The following RBL2 variants were observed in gnomAD, a reference collection of about 807,000 sequenced individuals.
RBL2 encodes retinoblastoma-like protein 2.
In RBL2, 56 loss-of-function variants were observed where a neutral mutation model predicts 126.0. That is an observed-to-expected ratio of 0.44 (90% CI 0.36 to 0.56). The LOEUF is 0.56. Among genes scored for constraint, RBL2 ranks in the 20% least tolerant of loss-of-function variants. The pLI is 0.00. For missense variants in RBL2, 1,229 were observed against 1,398.2 expected (o/e 0.88, Z 1.93); for synonymous variants, 454 against 478.5 (o/e 0.95, Z 0.67).
chr16:53,470,783 G>T lies in RBL2; in HGVS notation c.2564G>T (p.Cys855Phe). Residue 855 changes from cysteine to phenylalanine, a missense_variant, in exon 17 of 22, where the codon TGT (cysteine) becomes TTT (phenylalanine). Physicochemically the swap from Cys to Phe is radical, Grantham distance 205. Around this residue, in one of 2 missense-constraint regions of RBL2, gnomAD observed 1,070 missense variants for 1,274.3 expected, o/e 0.84. Transcript: ENST00000262133. ...HLAAVRLRDLCAKLDISDELR... is the reference protein window; with the variant it reads ...HLAAVRLRDLFAKLDISDELR... ...GCAGCTGTCCGCCTTCGGGATCTCT[G>T]TGCCAAACTAGATATTTCAGATGAA... 1.2e-6 allele frequency: 2 copies of T among 1,614,148 alleles called. No homozygotes were observed. The highest frequency in any genetic ancestry group is 2.2e-5 in the East Asian group (1 of 44,886).
Position 53,459,635 on chromosome 16 carries a change from C to A in RBL2, c.1346+18C>A. ...ATTCTCAGGTTAGTTTGAGCCCTGT[C>A]TGCTTTCTAAGATTTGGTTATTGAC... On this transcript the variant is annotated intron_variant, in intron 9 of 21. Coordinates refer to ENST00000262133, the MANE Select transcript of RBL2 (RefSeq NM_005611.4). 1 of 1,517,500 alleles carries A rather than the reference C, an allele frequency of 6.6e-7. No individual in the cohort carries two copies. The highest frequency in any genetic ancestry group is 2.4e-5 in the Admixed American group (1 of 41,950). 94.0% of individuals were successfully genotyped at this position (1,517,500 alleles called of 1,614,324 possible). A position where few individuals can be genotyped will look rare whatever the true frequency, so the allele number is the denominator to read the frequency against.
intron 5 of RBL2, among the ~76,000 whole-genome samples, chr16:53,452,918 C>T (rs1598099283): frequency 6.6e-6 from 1 of 152,170 alleles, no homozygotes; most frequent in East Asian, 1.9e-4. Context: ...GATGTACCCA[C>T]CTTGGCCTCC....
chr16:53,446,313 G>T (rs2058061592), intron 3 of RBL2, among the ~76,000 whole-genome samples: 1 of 140,596 alleles, frequency 7.1e-6, no homozygotes, highest in South Asian at 2.3e-4. Flanking sequence ...TTTGACAGAT[G>T]AAATGACTAA....
rs1463498431 is a variant in RBL2 at position 53,470,680 on chromosome 16, CT to C, written c.2526+19del. ...TTTAGAAAGGTAATTTTTCACATACCTTATCAGAGCATGAGCTTGGGAAATA... is the reference window on the plus strand; with the variant it reads ...TTTAGAAAGGTAATTTTTCACATACCTATCAGAGCATGAGCTTGGGAAATA... On this transcript the variant is annotated intron_variant, in intron 16 of 21. Transcript: ENST00000262133. The C allele has an allele frequency of 6.2e-7, 1 of 1,613,168 alleles. No homozygotes were observed. The highest frequency in any genetic ancestry group is 1.7e-5 in the Admixed American group (1 of 59,950).
intron 21 of RBL2, among the ~76,000 whole-genome samples, chr16:53,487,184 A>T (rs1869509920): frequency 6.6e-6 from 1 of 152,244 alleles, no homozygotes; most frequent in Non-Finnish European, 1.5e-5. Flanking sequence ...AAACAGATTT[A>T]TGTAAAAAAC....
rs142489174 is a variant in RBL2 at position 53,440,064 on chromosome 16, G to A, written c.371+918G>A. Among the ~76,000 whole-genome samples the A allele has an allele frequency of 4.5e-3, 684 of 152,128 alleles. 2 individuals are homozygous for A. Among genetic ancestry groups the A allele is most frequent in the African/African-American group, 0.016 (663 of 41,498 alleles). ...TAATCCCAGCACTTTTGGAGGCCAA[G>A]GTGTGTGGATCACTTGAGGTCAAGA... On this transcript the variant is annotated intron_variant, in intron 2 of 21. Coordinates refer to ENST00000262133, the MANE Select transcript of RBL2 (RefSeq NM_005611.4).
rs8049033 is a variant in RBL2, at chr16:53,479,143, T to C, written c.2704-11T>C. The C allele has an allele frequency of 0.46, 731,101 of 1,604,898 alleles. 171,867 individuals are homozygous for C. Among genetic ancestry groups the C allele is most frequent in the African/African-American group, 0.58 (43,008 of 74,674 alleles). On this transcript the variant is annotated splice_polypyrimidine_tract_variant and intron_variant, in intron 17 of 21. Coordinates refer to ENST00000262133, the MANE Select transcript of RBL2 (RefSeq NM_005611.4). ...TGCCATGTCTCTCAGAGCACTCTTA[T>C]TGTTTGCCAGGTCACAAAAGAAGAT...
In RBL2 at chr16:53,447,149, T is replaced by C. The variant is rs748370912; in HGVS notation, c.637+43T>C. 7.3e-6 allele frequency: 8 copies of C among 1,092,108 alleles called. No homozygotes were observed. The African/African-American group carries it at 1.3e-4, about 18-fold the overall frequency. The allele number at this position is 1,092,108 out of a possible 1,614,324, so 67.7% of individuals were successfully genotyped here. ...TTTATTTAGATTTAATATGTCTATT[T>C]ACATTTTCAGGTATTAATTTTGTCA... On this transcript the variant is annotated intron_variant, in intron 4 of 21. Coordinates refer to ENST00000262133, the MANE Select transcript of RBL2 (RefSeq NM_005611.4).
intron 18 of RBL2, 175 bp downstream of exon 18, chr16:53,479,400 C>A: frequency 1.7e-6 from 1 of 581,728 alleles, no homozygotes; most frequent in South Asian, 2.3e-5. Flanking sequence ...ATTAAGGTCT[C>A]TTTTCCTCAA....
At chr16:53,442,523 T>G in intron 2 of RBL2, 135 bp from the exon 3 acceptor site, 1 of 655,722 alleles carries the variant, frequency 1.5e-6, no homozygotes, top group Non-Finnish European at 2.5e-6. Context: ...GTCAGAGACA[T>G]GAGTTGTGAT....
chr16:53,452,942 A>G (rs1207206548), intron 5 of RBL2, among the ~76,000 whole-genome samples: 2 of 152,136 alleles, frequency 1.3e-5, no homozygotes, highest in African/African-American at 4.8e-5. Context: ...AGTGGATTAT[A>G]GGAATGGAGC....
At chr16:53,441,589 G>A (rs377208082) in intron 2 of RBL2, among the ~76,000 whole-genome samples, 22 of 152,230 alleles carry the variant, frequency 1.4e-4, no homozygotes, top group African/African-American at 5.1e-4. Context: ...ACATTATTGA[G>A]TGTGAAAAAG....
intron 3 of RBL2, chr16:53,445,960 T>A (rs1046590023): frequency 2.0e-5 from 3 of 152,136 alleles, no homozygotes; most frequent in Non-Finnish European, 4.4e-5. Context: ...TAGAAATGGG[T>A]CTTGAAAGAT....
At chr16:53,458,366 G>T (rs183969667) in intron 8 of RBL2, among the ~76,000 whole-genome samples, 1 of 152,246 alleles carries the variant, frequency 6.6e-6, no homozygotes, top group East Asian at 1.9e-4. Context: ...TGTTTTACTG[G>T]CTCCTTTGAC....
At chr16:53,448,322 A>G (rs2058083220) in intron 4 of RBL2, among the ~76,000 whole-genome samples, 1 of 151,242 alleles carries the variant, frequency 6.6e-6, no homozygotes, top group African/African-American at 2.4e-5. Flanking sequence ...GTGCCCGGCT[A>G]ATTTTTTGTA....
intron 14 of RBL2, among the ~76,000 whole-genome samples, chr16:53,469,124 G>T (rs145392636): frequency 1.5e-3 from 226 of 152,230 alleles, no homozygotes; most frequent in Non-Finnish European, 2.4e-3. Context: ...CAGTTACTTG[G>T]GAGGCTGAGG....
In RBL2 at chr16:53,461,835, A is replaced by G. The variant is rs1452974573; in HGVS notation, c.1441A>G (p.Ser481Gly). The G allele has an allele frequency of 1.9e-6, 3 of 1,611,406 alleles. No homozygotes were observed. The East Asian group carries it at 6.7e-5, about 36-fold the overall frequency. The change falls in exon 10 of 22, where the codon AGT (serine) becomes GGT (glycine). Residue 481 changes from serine (S) to glycine (G), a missense_variant. Ser to Gly is a moderately conservative substitution (Grantham distance 56, BLOSUM62 0). Transcript: ENST00000262133. ...SQHFQPDEDF[S>G]NCAKEIASKH... Reference sequence around the variant, plus strand: ...GCATTTCCAGCCAGACGAGGATTTCAGTAATTGTGCTAAAGGTAAGGTTTA... The same window carrying G: ...GCATTTCCAGCCAGACGAGGATTTCGGTAATTGTGCTAAAGGTAAGGTTTA...
At chr16:53,440,887 G>A (rs1297016819) in intron 2 of RBL2, among the ~76,000 whole-genome samples, 1 of 148,508 alleles carries the variant, frequency 6.7e-6, no homozygotes, top group Non-Finnish European at 1.5e-5. Context: ...AAAATTTGAA[G>A]TCTGGTATAC....
chr16:53,475,593 T>A (rs1389417886), intron 17 of RBL2, among the ~76,000 whole-genome samples: 1 of 152,148 alleles, frequency 6.6e-6, no homozygotes, highest in African/African-American at 2.4e-5. Flanking sequence ...TCTTTTTCTT[T>A]TAAAAACCAG....
Sources: gnomAD v4.1 joint callset for allele counts (sites outside exome capture counted in the v4.1 genomes callset) on GRCh38, gnomAD v4.1.1 for gene constraint, gnomAD v4.1.1 regional missense constraint, MANE v1.5 for transcripts, NCBI Gene and HGNC (gene_info 2026-07-23, HGNC 2026-07-21) for gene names.